SLC4A4: variants seen among roughly 807,000 people sequenced by gnomAD.
The protein encoded by SLC4A4 is solute carrier family 4 member 4.
A neutral mutation model predicts 111.5 loss-of-function variants in SLC4A4; 27 were observed. The ratio of observed to expected loss-of-function variants is 0.24; its 90% CI spans 0.18 to 0.33. The LOEUF (loss-of-function observed/expected upper bound fraction) is 0.33. SLC4A4 is among the 10% of genes least tolerant of loss of function. The pLI, the probability that SLC4A4 is intolerant of heterozygous loss-of-function variation, is 1.00. For missense variants in SLC4A4, 909 were observed against 1,315.5 expected (o/e 0.69, Z 4.78); for synonymous variants, 443 against 463.4 (o/e 0.96, Z 0.57).
At chr4:71,308,811 C>T (rs1486473756) in intron 3 of SLC4A4, among the ~76,000 whole-genome samples, 1 of 152,132 alleles carries the variant, frequency 6.6e-6, no homozygotes, top group African/African-American at 2.4e-5. Context: ...GCTAGCTGCA[C>T]GTGTGTTTTT....
At chr4:71,448,588 A>G (rs1233934831) in intron 9 of SLC4A4, among the ~76,000 whole-genome samples, 1 of 152,204 alleles carries the variant, frequency 6.6e-6, no homozygotes, top group African/African-American at 2.4e-5. Context: ...AAGTATCTGT[A>G]CAGGTTGGAA....
intron 12 of SLC4A4, among the ~76,000 whole-genome samples, chr4:71,456,654 T>A (rs1726296479): frequency 6.6e-6 from 1 of 152,178 alleles, no homozygotes; most frequent in South Asian, 2.1e-4. Flanking sequence ...GTCTACTATG[T>A]GTTTGACACT....
chr4:71,406,143 A>AAG, intron 7 of SLC4A4, among the ~76,000 whole-genome samples: 1 of 152,140 alleles, frequency 6.6e-6, no homozygotes, highest in Non-Finnish European at 1.5e-5. Flanking sequence ...ACACATTTGC[A>AAG]GCTTGGATCT....
chr4:71,359,286 G>A (rs185674226), intron 6 of SLC4A4, among the ~76,000 whole-genome samples: 73 of 152,338 alleles, frequency 4.8e-4, no homozygotes, highest in African/African-American at 1.7e-3. Flanking sequence ...ATGCTGGGCA[G>A]AAAGCAAATA....
At chr4:71,548,877 A>G (rs573465429) in intron 20 of SLC4A4, among the ~76,000 whole-genome samples, 1 of 152,076 alleles carries the variant, frequency 6.6e-6, no homozygotes, top group South Asian at 2.1e-4. Flanking sequence ...TGATCTGTAA[A>G]TAAGACTAAG....
At chr4:71,337,335 C>A (rs4694391) in intron 3 of SLC4A4, among the ~76,000 whole-genome samples, 152,273 of 152,276 alleles carry the variant, frequency 1, 76,135 homozygotes, top group Non-Finnish European at 1. Context: ...ATATATATTT[C>A]TTGTTTCTTT....
intron 3 of SLC4A4, among the ~76,000 whole-genome samples, chr4:71,278,597 C>G (rs1486268829): frequency 6.6e-6 from 1 of 152,188 alleles, no homozygotes; most frequent in Non-Finnish European, 1.5e-5. Flanking sequence ...TTCATATCAA[C>G]ACCCACCTCT....
At chr4:71,567,530 C>T (rs998884833) in intron 25 of SLC4A4, among the ~76,000 whole-genome samples, 1 of 151,680 alleles carries the variant, frequency 6.6e-6, no homozygotes, top group Non-Finnish European at 1.5e-5. Context: ...CTGGTAGTAC[C>T]TCTTTTCCTT....
chr4:71,472,626 C>T, intron 13 of SLC4A4, 73 bp from the exon 14 acceptor site: 1 of 1,458,714 alleles, frequency 6.9e-7, no homozygotes, highest in Non-Finnish European at 9.6e-7. Context: ...TTTCTGTAGA[C>T]ATTTGGTAGT....
At chr4:71,540,867 CAT>C (rs1734983603) in intron 18 of SLC4A4, among the ~76,000 whole-genome samples, 1 of 152,136 alleles carries the variant, frequency 6.6e-6, no homozygotes, top group Admixed American at 6.5e-5. Context: ...TATGGAGAAA[CAT>C]ATAGTAGGCC....
intron 3 of SLC4A4, among the ~76,000 whole-genome samples, chr4:71,316,775 G>T (rs1048805233): frequency 4.6e-5 from 7 of 151,954 alleles, no homozygotes; most frequent in Non-Finnish European, 8.8e-5. Flanking sequence ...TCATTGTTCA[G>T]CTCCTTCTTA....
intron 1 of SLC4A4, 169 bp from the exon 2 acceptor site, chr4:71,236,407 C>T: frequency 1.3e-6 from 1 of 768,938 alleles, no homozygotes; most frequent in Admixed American, 2.6e-5. Context: ...TCTCGAGCAC[C>T]AGATGAGAGG....
rs370825361 is a variant in SLC4A4, at chr4:71,424,487, G to C, written c.808-16129G>C. Among the ~76,000 whole-genome samples the C allele has an allele frequency of 3.8e-3, 580 of 150,830 alleles. 3 individuals are homozygous for C. Among genetic ancestry groups the C allele is most frequent in the African/African-American group, 6.5e-3 (268 of 41,144 alleles). ...ACCATTTGACCCAGCCATCCCATTA[G>C]TGGGTATATACCCAAAGGACTATAA... On this transcript the variant is annotated intron_variant, in intron 7 of 25. Transcript: ENST00000264485.
intron 2 of SLC4A4, among the ~76,000 whole-genome samples, chr4:71,165,091 T>A (rs559612573): frequency 6.6e-6 from 1 of 151,272 alleles, no homozygotes; most frequent in East Asian, 2.0e-4. Context: ...AGGAACACTT[T>A]TTCACTGTTG....
chr4:71,468,572 C>T (rs1332066810), intron 13 of SLC4A4, among the ~76,000 whole-genome samples: 2 of 151,988 alleles, frequency 1.3e-5, no homozygotes, highest in Non-Finnish European at 2.9e-5. Flanking sequence ...AAATCCATCA[C>T]TTAGTAATAT....
At chr4:71,540,148 G>A in intron 18 of SLC4A4, among the ~76,000 whole-genome samples, 1 of 152,130 alleles carries the variant, frequency 6.6e-6, no homozygotes. Context: ...CTTGGTGGGA[G>A]GAACCATGTC....
At chr4:71,328,935 A>G (rs1409031749) in intron 3 of SLC4A4, among the ~76,000 whole-genome samples, 2 of 152,060 alleles carry the variant, frequency 1.3e-5, no homozygotes, top group African/African-American at 4.8e-5. Context: ...TTCTTGTAGT[A>G]GCTTCATAGT....
intron 22 of SLC4A4, among the ~76,000 whole-genome samples, chr4:71,558,135 A>G (rs937439367): frequency 9.9e-5 from 15 of 151,948 alleles, no homozygotes; most frequent in Non-Finnish European, 2.1e-4. Context: ...TTGAACTACT[A>G]TTACCTCATC....
At chr4:71,116,681 C>T (rs755856317) in intron 2 of SLC4A4, among the ~76,000 whole-genome samples, 9 of 152,162 alleles carry the variant, frequency 5.9e-5, no homozygotes, top group East Asian at 1.9e-4. Flanking sequence ...TGGTGGCTCA[C>T]GCCTGTAATC....
Sources: allele counts gnomAD v4.1 joint callset (sites outside exome capture counted in the v4.1 genomes callset), GRCh38; gene constraint gnomAD v4.1.1; transcripts MANE v1.5; gene names NCBI Gene and HGNC (gene_info 2026-07-23, HGNC 2026-07-21).